Variants in TSPAN17 observed in about 807,000 individuals in gnomAD.
TSPAN17 encodes tetraspanin-17.
A neutral mutation model predicts 40.5 loss-of-function variants in TSPAN17; 33 were observed. That is an observed-to-expected ratio of 0.81 (90% CI 0.62 to 1.09). The LOEUF is 1.09. TSPAN17 is among the 50% of genes least tolerant of loss of function. The probability of loss-of-function intolerance (pLI) is 0.00; values close to 1 mark genes in which losing one functional copy is unlikely to be tolerated. For synonymous variants in TSPAN17, 166 were observed against 169.4 expected, an observed-to-expected ratio of 0.98 and a Z score of 0.15; for missense variants, 365 against 416.8, an observed-to-expected ratio of 0.88 and a Z score of 1.08.
intron 1 of TSPAN17, 113 bp downstream of exon 1, chr5:176,647,815 TC>T: frequency 5.1e-6 from 5 of 981,140 alleles, no homozygotes; most frequent in Non-Finnish European, 7.2e-6. Flanking sequence ...CTCGGGACCA[TC>T]CCCCCACTTC....
At chr5:176,657,241 C>T (rs932213325) in intron 8 of TSPAN17, 2 of 638,704 alleles carry the variant, frequency 3.1e-6, no homozygotes, top group African/African-American at 1.8e-5. Context: ...GTGGACTCTC[C>T]AGGGGACTAG....
intron 8 of TSPAN17, 105 bp downstream of exon 8, chr5:176,657,061 T>C (rs1761185873): frequency 8.3e-7 from 1 of 1,205,438 alleles, no homozygotes; most frequent in Non-Finnish European, 1.1e-6. Flanking sequence ...CTGCAGGAGA[T>C]GTTCCTGCTG....
chr5:176,653,269 G>A (rs1054196892), intron 4 of TSPAN17: 4 of 203,700 alleles, frequency 2.0e-5, no homozygotes, highest in African/African-American at 9.1e-5. Flanking sequence ...CAGCTATGTT[G>A]CTGCTGCCCC....
chr5:176,654,188 C>T lies in TSPAN17; in HGVS notation c.457-707C>T, dbSNP rs1334092522. On this transcript the variant is annotated intron_variant, in intron 4 of 8. Transcript: ENST00000508164. The surrounding 1 kb of genome is among the most constrained non-coding windows in gnomAD (Gnocchi z 4.3). Reference sequence around the variant, plus strand: ...AGGGCATGTGGCAGGCCTGACTCCTCCAGCTCTCTGGCTCGGCCACGGGGC... The same window carrying T: ...AGGGCATGTGGCAGGCCTGACTCCTTCAGCTCTCTGGCTCGGCCACGGGGC... The T allele has an allele frequency of 3.3e-5, 5 of 152,600 alleles. No homozygotes were observed. The highest frequency in any genetic ancestry group is 2.0e-4 in the Admixed American group (3 of 15,294). The allele number at this position is 152,600 out of a possible 1,614,324, so 9.5% of individuals were successfully genotyped here.
At chr5:176,652,962 C>T (rs1761028313) in intron 4 of TSPAN17, 49 bp downstream of exon 4, 1 of 1,595,302 alleles carries the variant, frequency 6.3e-7, no homozygotes, top group African/African-American at 1.3e-5. Context: ...GCCTTCCTGG[C>T]AGACGAATGA....
In TSPAN17 at chr5:176,647,673, T is replaced by G; in HGVS notation, c.58T>G (p.Phe20Val). The change falls in exon 1 of 9, where the codon TTC becomes GTC. Residue 20 changes from phenylalanine (F) to valine (V), a missense_variant. Physicochemically the swap from Phe to Val is conservative, Grantham distance 50. Coordinates refer to ENST00000508164, the MANE Select transcript of TSPAN17 (RefSeq NM_130465.5). ...TGAGGTCGGCTGCTGCGGGAAATACTTCCTGTTTGGCTTCAACATTGTCTT... is the reference window on the plus strand; with the variant it reads ...TGAGGTCGGCTGCTGCGGGAAATACGTCCTGTTTGGCTTCAACATTGTCTT... The part of the protein sequence containing the change: ...EPEVGCCGKY[F>V]LFGFNIVFWV... The G allele has an allele frequency of 6.2e-7, 1 of 1,604,288 alleles. No homozygotes were observed. Among genetic ancestry groups the G allele is most frequent in the Non-Finnish European group, 8.5e-7 (1 of 1,175,974 alleles).
At position 176,657,564 on chromosome 5, in the gene TSPAN17, A is replaced by G. The variant is rs1561589607; in HGVS notation, c.856A>G (p.Ile286Val). 2 of 1,612,656 alleles carry G rather than the reference A, an allele frequency of 1.2e-6. No homozygotes were observed. The highest frequency in any genetic ancestry group is 1.7e-6 in the Non-Finnish European group (2 of 1,179,316). ...TGAAAACCACTGGCTTACGCCCACCATTTCCGAGGTCCTGTCCACGGCGGG... is the reference window on the plus strand; with the variant it reads ...TGAAAACCACTGGCTTACGCCCACCGTTTCCGAGGTCCTGTCCACGGCGGG... ...DFENHWLTPT[I>V]SEVLSTAGPQ... Residue 286 changes from isoleucine (I) to valine (V), a missense_variant, in exon 9 of 9, where the codon ATT (isoleucine) becomes GTT (valine). Coordinates refer to ENST00000508164, the MANE Select transcript of TSPAN17 (RefSeq NM_130465.5).
intron 1 of TSPAN17, 136 bp downstream of exon 1, chr5:176,647,838 C>T (rs912522137): frequency 6.0e-6 from 5 of 830,590 alleles, no homozygotes; most frequent in Non-Finnish European, 7.1e-6. Flanking sequence ...GCCACACCCA[C>T]GCCCACTTCC....
chr5:176,647,530 C>T lies in TSPAN17; in HGVS notation c.-86C>T. ...GAAGCCGCAGCCGCCCGGCTAGGCC[C>T]CGGGCGGCTCTAGCCCAGGGCGGCC... On this transcript the variant is annotated 5_prime_UTR_variant, in exon 1 of 9. Coordinates refer to ENST00000508164, the MANE Select transcript of TSPAN17 (RefSeq NM_130465.5). 8.9e-7 allele frequency: 1 copy of T among 1,118,134 alleles called. No individual in the cohort carries two copies. Among genetic ancestry groups the T allele is most frequent in the Non-Finnish European group, 1.2e-6 (1 of 846,454 alleles). 69.3% of individuals were successfully genotyped at this position (1,118,134 alleles called of 1,614,324 possible). A position where few individuals can be genotyped will look rare whatever the true frequency, so the allele number is the denominator to read the frequency against.
chr5:176,656,084 GTCC>G lies in TSPAN17; in HGVS notation c.592_594del (p.Leu198del). 1 of 1,614,166 alleles carries G rather than the reference GTCC, an allele frequency of 6.2e-7. No individual in the cohort carries two copies. Among genetic ancestry groups the G allele is most frequent in the Non-Finnish European group, 8.5e-7 (1 of 1,180,024 alleles). On this transcript the variant is annotated inframe_deletion, in exon 6 of 9. Coordinates refer to ENST00000508164, the MANE Select transcript of TSPAN17 (RefSeq NM_130465.5). The stretch of plus-strand genomic sequence containing the variant: ...CTGGCCTGTCTCCCCTCAGGAGGAT[GTCC>G]TCAACACCCAGTGTGGCTACGACGT...
chr5:176,656,617 G>A, intron 6 of TSPAN17, 83 bp from the exon 7 acceptor site: 1 of 1,384,646 alleles, frequency 7.2e-7, no homozygotes, highest in Non-Finnish European at 1.0e-6. Flanking sequence ...AGACCCTGGG[G>A]TGGGCGTGAG....
rs187776418 is a variant in TSPAN17 at position 176,657,165 on chromosome 5, G to T, written c.809+209G>T. The T allele has an allele frequency of 2.9e-5, 18 of 626,332 alleles. No homozygotes were observed. In the East Asian group the frequency reaches 4.4e-4, roughly 15 times the overall value. 38.8% of individuals were successfully genotyped at this position (626,332 alleles called of 1,614,324 possible). A position where few individuals can be genotyped will look rare whatever the true frequency, so the allele number is the denominator to read the frequency against. On this transcript the variant is annotated intron_variant, in intron 8 of 8. Transcript: ENST00000508164. ...CGCCTGGGCCTCTTGTCCCATATGC[G>T]TGTGTACACACACATGCAGGCACAC...
In TSPAN17 at chr5:176,657,525, T is replaced by C. The variant is rs759894438; in HGVS notation, c.817T>C (p.Trp273Arg). ...IKAVKANWSK[W>R]NDDFENHWLT... ...CTCTTGCTTGCCTCTCAGGAGCAAA[T>C]GGAATGATGACTTTGAAAACCACTG... Residue 273 changes from tryptophan to arginine, a missense_variant, in exon 9 of 9, where the codon TGG becomes CGG. Physicochemically the swap from Trp to Arg is moderately radical, Grantham distance 101 (BLOSUM62 -3). Transcript: ENST00000508164. 31 of 1,587,578 alleles carry C rather than the reference T, an allele frequency of 2.0e-5. No individual in the cohort carries two copies. The highest frequency in any genetic ancestry group is 2.6e-5 in the Non-Finnish European group (30 of 1,165,256).
Position 176,658,777 on chromosome 5 carries a change from G to C in TSPAN17, c.*1079G>C, listed in dbSNP as rs925714404. On this transcript the variant is annotated 3_prime_UTR_variant, in exon 9 of 9. Coordinates refer to ENST00000508164, the MANE Select transcript of TSPAN17 (RefSeq NM_130465.5). Reference sequence around the variant, plus strand: ...AGATGTCCTGATTTTTTAAGTTGTTGGCAGAAATTAATTCAGAAATCAAAT... The same window carrying C: ...AGATGTCCTGATTTTTTAAGTTGTTCGCAGAAATTAATTCAGAAATCAAAT... The C allele has an allele frequency of 2.0e-5, 3 of 152,252 alleles. No homozygotes were observed. Among genetic ancestry groups the C allele is most frequent in the African/African-American group, 7.2e-5 (3 of 41,460 alleles). The allele number at this position is 152,252 out of a possible 1,614,324, so 9.4% of individuals were successfully genotyped here.
intron 7 of TSPAN17, 39 bp downstream of exon 7, chr5:176,656,855 G>A (rs780961599): frequency 1.9e-6 from 3 of 1,614,196 alleles, no homozygotes; most frequent in Non-Finnish European, 2.5e-6. Flanking sequence ...CCTTGCCGGG[G>A]CCGCCCTCAC....
In TSPAN17 at chr5:176,654,980, G is replaced by A. The variant is rs983868841; in HGVS notation, c.542G>A (p.Arg181His). 69 of 1,610,900 alleles carry A rather than the reference G, an allele frequency of 4.3e-5. No individual in the cohort carries two copies. The highest frequency in any genetic ancestry group is 5.6e-5 in the Non-Finnish European group (66 of 1,178,594). ...NCTDLNPSRE[R>H]CGVPFSCCVR... is the part of the protein sequence containing the mutation. The stretch of plus-strand genomic sequence containing the variant: ...ACTGACTTGAACCCCAGCCGGGAGC[G>A]CTGCGGGGTGCCCTTCTCCTGCTGC... The change falls in exon 5 of 9, where the codon CGC becomes CAC. Residue 181 changes from arginine (R) to histidine (H), a missense_variant. Transcript: ENST00000508164. This position sits in a 1 kb window ranked among gnomAD's most constrained non-coding sequence, Gnocchi z 4.3.
rs561977705 is a variant in TSPAN17 at position 176,649,430 on chromosome 5, T to A, written c.87+1728T>A. On this transcript the variant is annotated intron_variant, in intron 1 of 8. Transcript: ENST00000508164. ...TGCTTGTGGTTTCCTTTTTTCTTTT[T>A]TCTTTTTTTTTTTTGAGACAGAGTT... is the stretch of plus-strand genomic sequence containing the variant. 1.1e-4 allele frequency among the ~76,000 whole-genome samples: 16 copies of A among 150,064 alleles called. No homozygotes were observed. The East Asian group carries it at 2.9e-3, about 27-fold the overall frequency.
intron 5 of TSPAN17, among the ~76,000 whole-genome samples, chr5:176,655,726 C>T (rs1053506428): frequency 1.8e-5 from 2 of 108,762 alleles, no homozygotes; most frequent in African/African-American, 6.8e-5. Context: ...AGTGAGACCT[C>T]GTGTCTACAA....
At chr5:176,656,206 A>G in intron 6 of TSPAN17, 81 bp downstream of exon 6, 1 of 1,462,226 alleles carries the variant, frequency 6.8e-7, no homozygotes, top group Non-Finnish European at 9.5e-7. Context: ...CCTCCTCTGG[A>G]AGGCCTCAGG....
Sources: allele counts gnomAD v4.1 joint callset (sites outside exome capture counted in the v4.1 genomes callset), GRCh38; gene constraint gnomAD v4.1.1; non-coding constraint Gnocchi (gnomAD v3.1); transcripts MANE v1.5; gene names NCBI Gene and HGNC (gene_info 2026-07-23, HGNC 2026-07-21).